The following ZNF667 variants were observed in gnomAD, a reference collection of about 807,000 sequenced individuals.
ZNF667 encodes the protein zinc finger protein 667, also known as myocardial ischemic preconditioning upregulated 1 ortholog.
Under a neutral mutation model 31.8 loss-of-function variants are expected in ZNF667, and 13 were observed. The ratio of observed to expected loss-of-function variants is 0.41; its 90% CI spans 0.27 to 0.65. ZNF667 has a LOEUF of 0.65. Ranked by LOEUF, ZNF667 falls within the 30% of genes least tolerant of loss-of-function variation. ZNF667 has a pLI of 0.32. For synonymous variants in ZNF667, 228 were observed against 247.1 expected (o/e 0.92, Z 0.73); for missense variants, 642 against 725.6 (o/e 0.88, Z 1.32).
Position 56,442,208 on chromosome 19 carries a change from T to C in ZNF667, c.787A>G (p.Asn263Asp), listed in dbSNP as rs148645990. The C allele has an allele frequency of 2.5e-5, 40 of 1,614,056 alleles. No individual in the cohort carries two copies. The African/African-American group carries it at 5.1e-4, about 20-fold the overall frequency. The change falls in exon 7 of 7, where the codon AAT becomes GAT. Residue 263 changes from asparagine (N) to aspartate (D), a missense_variant. Physicochemically the swap from Asn to Asp is conservative, Grantham distance 23. Coordinates refer to ENST00000504904, the MANE Select transcript of ZNF667 (RefSeq NM_001321356.2). ...TGAAGTAAAAGGGATGACATCTGATTGAAGGCTTTTCCGCACTTTCTGCAC... is the reference window on the plus strand; with the variant it reads ...TGAAGTAAAAGGGATGACATCTGATCGAAGGCTTTTCCGCACTTTCTGCAC... ...CQCRKCGKAF[N>D]QMSSLLLHKK...
Position 56,441,410 on chromosome 19 carries a change from A to T in ZNF667, c.1585T>A (p.Cys529Ser). 6.2e-7 allele frequency: 1 copy of T among 1,614,162 alleles called. No individual in the cohort carries two copies. Among genetic ancestry groups the T allele is most frequent in the Non-Finnish European group, 8.5e-7 (1 of 1,180,038 alleles). Residue 529 changes from cysteine to serine, a missense_variant, in exon 7 of 7, where the codon TGC (cysteine) becomes AGC (serine). Coordinates refer to ENST00000504904, the MANE Select transcript of ZNF667 (RefSeq NM_001321356.2). This position sits in a 1 kb window ranked among gnomAD's most constrained non-coding sequence, Gnocchi z 4.2. The stretch of plus-strand genomic sequence containing the variant: ...CTAAAGGCCTTACCACATGTTTTGC[A>T]TGTATATGGCTTCTCTCCAGTGTGA... Reference protein sequence around the residue: ...RIHTGEKPYTCKTCGKAFSQR... With the variant: ...RIHTGEKPYTSKTCGKAFSQR...
At chr19:56,449,054 C>T (rs1008505253) in intron 6 of ZNF667, among the ~76,000 whole-genome samples, 2 of 151,280 alleles carry the variant, frequency 1.3e-5, no homozygotes, top group African/African-American at 4.8e-5. Context: ...CCAAAGACCA[C>T]CAAGGCAGTA....
chr19:56,475,033 G>C (rs2043373017), intron 1 of ZNF667: 1 of 152,104 alleles, frequency 6.6e-6, no homozygotes, highest in South Asian at 2.1e-4. Flanking sequence ...GATACCAAAG[G>C]GTCACTGCTG....
chr19:56,462,495 A>C, intron 3 of ZNF667, 66 bp from the exon 4 acceptor site: 1 of 933,908 alleles, frequency 1.1e-6, no homozygotes, highest in Non-Finnish European at 1.8e-6. Context: ...ACCTGGAGAC[A>C]CACACACACA....
chr19:56,464,523 C>A (rs963015282), intron 3 of ZNF667, among the ~76,000 whole-genome samples: 7 of 152,130 alleles, frequency 4.6e-5, no homozygotes, highest in East Asian at 1.9e-4. Context: ...ACAAAATTAA[C>A]TTTAATGATA....
Position 56,442,650 on chromosome 19 carries a change from T to C in ZNF667, c.345A>G (p.Gln115=). 6.2e-7 allele frequency: 1 copy of C among 1,613,780 alleles called. No homozygotes were observed. The highest frequency in any genetic ancestry group is 1.3e-5 in the African/African-American group (1 of 75,056). The change falls in exon 7 of 7, where the codon CAA becomes CAG. Residue 115 remains glutamine (Q), a synonymous_variant. Transcript: ENST00000504904. ...QSICQKLVSA[Q]QKAPTRKSGC... Reference sequence around the variant, plus strand: ...CACTCTTTCGTGTAGGAGCTTTTTGTTGTGCAGAAACTAGTTTCTGGCAGA... The same window carrying C: ...CACTCTTTCGTGTAGGAGCTTTTTGCTGTGCAGAAACTAGTTTCTGGCAGA...
chr19:56,453,519 G>GA (rs1418560272), intron 6 of ZNF667, among the ~76,000 whole-genome samples: 23 of 152,132 alleles, frequency 1.5e-4, no homozygotes, highest in Non-Finnish European at 5.9e-5. Flanking sequence ...TTAATCCCAG[G>GA]AATGCCTGGA....
intron 6 of ZNF667, among the ~76,000 whole-genome samples, chr19:56,454,753 C>T (rs2042899418): frequency 7.2e-6 from 1 of 139,550 alleles, no homozygotes; most frequent in African/African-American, 2.6e-5. Flanking sequence ...GTCTCCAGGA[C>T]ATTGGTCTGG....
At position 56,440,910 on chromosome 19, in the gene ZNF667, A is replaced by T; in HGVS notation, c.*252T>A. 1 of 1,311,162 alleles carries T rather than the reference A, an allele frequency of 7.6e-7. No homozygotes were observed. The allele number at this position is 1,311,162 out of a possible 1,614,324, so 81.2% of individuals were successfully genotyped here. A position where few individuals can be genotyped will look rare whatever the true frequency, so the allele number is the denominator to read the frequency against. The stretch of plus-strand genomic sequence containing the variant: ...AGTGCTGGGGTTACAGGTGTAAGCC[A>T]CTGCGCCCAGCCAGTAATTCTTATC... On this transcript the variant is annotated 3_prime_UTR_variant, in exon 7 of 7. Coordinates refer to ENST00000504904, the MANE Select transcript of ZNF667 (RefSeq NM_001321356.2).
intron 6 of ZNF667, among the ~76,000 whole-genome samples, chr19:56,448,989 A>T (rs903949889): frequency 6.6e-6 from 1 of 152,150 alleles, no homozygotes; most frequent in African/African-American, 2.4e-5. Context: ...TCATTCAGGG[A>T]AAGTAAGGGA....
intron 5 of ZNF667, among the ~76,000 whole-genome samples, chr19:56,459,640 G>A (rs1291975029): frequency 1.3e-5 from 2 of 152,114 alleles, no homozygotes; most frequent in Admixed American, 6.5e-5. Flanking sequence ...CTGTCTCTGT[G>A]TTACATCAAT....
chr19:56,442,871 GT>G, intron 6 of ZNF667, 130 bp from the exon 7 acceptor site: 1 of 1,265,750 alleles, frequency 7.9e-7, no homozygotes, highest in Non-Finnish European at 1.0e-6. Flanking sequence ...ACTTTTTAGT[GT>G]TTTATTGTGG....
chr19:56,460,923 A>C lies in ZNF667; in HGVS notation c.34-108T>G, dbSNP rs1015131747. The C allele has an allele frequency of 4.2e-6, 5 of 1,197,610 alleles. No homozygotes were observed. The African/African-American group carries it at 7.8e-5, about 19-fold the overall frequency. 74.2% of individuals were successfully genotyped at this position (1,197,610 alleles called of 1,614,324 possible). A position where few individuals can be genotyped will look rare whatever the true frequency, so the allele number is the denominator to read the frequency against. On this transcript the variant is annotated intron_variant, in intron 4 of 6. Transcript: ENST00000504904. ...TGGGAGACACAAGGTACCAAGAATC[A>C]TTCAGGAAGCATTCAGGGTTCTGAG...
intron 6 of ZNF667, among the ~76,000 whole-genome samples, chr19:56,455,345 T>A (rs1481188590): frequency 6.6e-6 from 1 of 152,014 alleles, no homozygotes; most frequent in Non-Finnish European, 1.5e-5. Context: ...AAAAAATAAA[T>A]TAGTATATAA....
chr19:56,451,031 A>G (rs1169841207), intron 6 of ZNF667, among the ~76,000 whole-genome samples: 1 of 152,210 alleles, frequency 6.6e-6, no homozygotes, highest in East Asian at 1.9e-4. Flanking sequence ...GTCAAAAGCC[A>G]CAGAGTGGCT....
rs112054119 is a variant in ZNF667 at position 56,456,671 on chromosome 19, A to C, written c.253+1484T>G. Among the ~76,000 whole-genome samples, 564 of 152,318 alleles carry C rather than the reference A, an allele frequency of 3.7e-3. 2 individuals are homozygous for C. Among genetic ancestry groups the C allele is most frequent in the Non-Finnish European group, 6.0e-3 (407 of 68,020 alleles). On this transcript the variant is annotated intron_variant, in intron 6 of 6. Transcript: ENST00000504904. The stretch of plus-strand genomic sequence containing the variant: ...GTTAATAATAATAAATTAGAATCTA[A>C]ATGGAAAATAGGACATGAGAGACTA...
At chr19:56,461,365 G>A (rs2043041106) in intron 4 of ZNF667, among the ~76,000 whole-genome samples, 1 of 152,146 alleles carries the variant, frequency 6.6e-6, no homozygotes, top group Admixed American at 6.5e-5. Context: ...CTTGACCTTG[G>A]CAGATTATCT....
At chr19:56,444,206 A>G (rs2042675997) in intron 6 of ZNF667, 2 of 398,432 alleles carry the variant, frequency 5.0e-6, no homozygotes, top group Non-Finnish European at 8.8e-6. Context: ...AAGAGGTTCA[A>G]TTGGCTCCTG....
Position 56,452,151 on chromosome 19 carries a change from C to T in ZNF667, c.253+6004G>A, listed in dbSNP as rs547825140. Among the ~76,000 whole-genome samples, 8 of 151,306 alleles carry T rather than the reference C, an allele frequency of 5.3e-5. No individual in the cohort carries two copies. In the South Asian group the frequency reaches 6.3e-4, roughly 12 times the overall value. On this transcript the variant is annotated intron_variant, in intron 6 of 6. Transcript: ENST00000504904. ...GCAACCTCTGCCTCCTGGGTTCAAGCGATTCTCCTGCCTCAGCCTCCCGAG... is the reference window on the plus strand; with the variant it reads ...GCAACCTCTGCCTCCTGGGTTCAAGTGATTCTCCTGCCTCAGCCTCCCGAG...
Sources: gnomAD v4.1 joint callset for allele counts (sites outside exome capture counted in the v4.1 genomes callset) on GRCh38, gnomAD v4.1.1 for gene constraint, Gnocchi (gnomAD v3.1) non-coding constraint, MANE v1.5 for transcripts, NCBI Gene and HGNC (gene_info 2026-07-23, HGNC 2026-07-21) for gene names.